Variants in STK4 observed in about 807,000 individuals in gnomAD.
STK4 encodes the protein serine/threonine kinase 4.
A neutral mutation model predicts 64.9 loss-of-function variants in STK4; 30 were observed. That is an observed-to-expected ratio of 0.46 (90% CI 0.35 to 0.63). The LOEUF (loss-of-function observed/expected upper bound fraction) is 0.63, where lower values mean the gene tolerates loss of function less well. Among genes scored for constraint, STK4 ranks in the 20% least tolerant of loss-of-function variants. STK4 has a pLI of 0.01. For synonymous variants in STK4, 177 were observed against 199.0 expected (o/e 0.89, Z 0.93); for missense variants, 466 against 598.5 (o/e 0.78, Z 2.31).
intron 4 of STK4, among the ~76,000 whole-genome samples, chr20:44,984,435 C>G (rs1448380674): frequency 1.3e-5 from 2 of 152,034 alleles, no homozygotes; most frequent in African/African-American, 4.8e-5. Context: ...ATTTCCTGAC[C>G]TCGCAATCTG....
At chr20:44,988,555 ATATATATATATATG>A (rs1395028608) in intron 5 of STK4, among the ~76,000 whole-genome samples, 2 of 113,246 alleles carry the variant, frequency 1.8e-5, no homozygotes, top group African/African-American at 5.7e-5. Context: ...ATATATATAT[ATATATATATATATG>A]TATCCATTCC....
chr20:45,071,266 A>G (rs1170131760), intron 10 of STK4, among the ~76,000 whole-genome samples: 1 of 152,188 alleles, frequency 6.6e-6, no homozygotes, highest in Non-Finnish European at 1.5e-5. Flanking sequence ...TGGATTGAGA[A>G]TTTGCTGCTT....
intron 5 of STK4, among the ~76,000 whole-genome samples, chr20:44,994,675 T>G (rs1278139458): frequency 6.6e-6 from 1 of 152,136 alleles, no homozygotes; most frequent in Non-Finnish European, 1.5e-5. Context: ...AGAAATAGAT[T>G]TGGATCAAAG....
chr20:45,079,326 C>T lies in STK4; in HGVS notation c.*4150C>T, dbSNP rs1430608820. On this transcript the variant is annotated 3_prime_UTR_variant, in exon 11 of 11. Coordinates refer to ENST00000372806, the MANE Select transcript of STK4 (RefSeq NM_006282.5). ...CATTTTACAGATGTGAAAATTGAGG[C>T]TCAGAGAAGTAAAGTCTATTGCTCA... 1.3e-5 allele frequency: 2 copies of T among 152,174 alleles called. No individual in the cohort carries two copies. Among genetic ancestry groups the T allele is most frequent in the Non-Finnish European group, 2.9e-5 (2 of 68,036 alleles). The allele number at this position is 152,174 out of a possible 1,614,324, so 9.4% of individuals were successfully genotyped here.
At chr20:45,039,570 A>C (rs1348463592) in intron 10 of STK4, among the ~76,000 whole-genome samples, 2 of 152,100 alleles carry the variant, frequency 1.3e-5, no homozygotes, top group Non-Finnish European at 2.9e-5. Flanking sequence ...GTCATTTTTC[A>C]TGTAAAATGG....
intron 2 of STK4, among the ~76,000 whole-genome samples, chr20:44,976,689 T>C (rs1319276152): frequency 6.6e-6 from 1 of 152,198 alleles, no homozygotes; most frequent in African/African-American, 2.4e-5. Flanking sequence ...TTATCAAGAA[T>C]GCCTTTGGAT....
chr20:45,043,294 A>G (rs541189432), intron 10 of STK4, among the ~76,000 whole-genome samples: 1 of 152,220 alleles, frequency 6.6e-6, no homozygotes, highest in African/African-American at 2.4e-5. Context: ...ACTATTCACA[A>G]TAGCAAAGAT....
chr20:45,071,799 T>A (rs1400079122), intron 10 of STK4, among the ~76,000 whole-genome samples: 1 of 152,186 alleles, frequency 6.6e-6, no homozygotes, highest in East Asian at 1.9e-4. Context: ...GACAAGGTCT[T>A]GCTCTGTTGC....
chr20:45,007,179 A>G (rs984338654), intron 9 of STK4, among the ~76,000 whole-genome samples: 3 of 152,208 alleles, frequency 2.0e-5, no homozygotes, highest in African/African-American at 7.2e-5. Context: ...TTCTCTATAA[A>G]GGAACAGGTT....
chr20:45,073,596 T>C (rs1980268757), intron 10 of STK4, among the ~76,000 whole-genome samples: 1 of 152,198 alleles, frequency 6.6e-6, no homozygotes, highest in South Asian at 2.1e-4. Flanking sequence ...TGTAAGACTT[T>C]GAGTTCTTGA....
At chr20:44,977,894 C>G (rs1406020001) in intron 2 of STK4, among the ~76,000 whole-genome samples, 1 of 152,112 alleles carries the variant, frequency 6.6e-6, no homozygotes, top group African/African-American at 2.4e-5. Flanking sequence ...TCTTGTGGTA[C>G]TAGAGTGAAT....
intron 3 of STK4, among the ~76,000 whole-genome samples, chr20:44,981,365 G>A (rs566139397): frequency 4.0e-5 from 6 of 151,658 alleles, no homozygotes; most frequent in Non-Finnish European, 8.8e-5. Context: ...ATCTTGTCCA[G>A]GCTGGTCACG....
At chr20:44,985,225 A>G (rs2067511585) in intron 4 of STK4, among the ~76,000 whole-genome samples, 1 of 152,196 alleles carries the variant, frequency 6.6e-6, no homozygotes, top group Admixed American at 6.5e-5. Flanking sequence ...CCTCAGCTTC[A>G]TTATGTATAA....
chr20:44,987,967 G>GT (rs376197292), intron 5 of STK4, among the ~76,000 whole-genome samples: 2,671 of 147,854 alleles, frequency 0.018, 83 homozygotes, highest in African/African-American at 0.062. Context: ...GTTATGTACG[G>GT]TTTTTTTTTT....
chr20:44,972,128 T>C lies in STK4; in HGVS notation c.86T>C (p.Val29Ala). The C allele has an allele frequency of 6.2e-7, 1 of 1,613,870 alleles. No homozygotes were observed. The highest frequency in any genetic ancestry group is 8.5e-7 in the Non-Finnish European group (1 of 1,179,930). The change falls in exon 2 of 11, where the codon GTA becomes GCA. Residue 29 changes from valine (V) to alanine (A), a missense_variant. Physicochemically the swap from Val to Ala is moderately conservative, Grantham distance 64. Transcript: ENST00000372806. The part of the protein sequence containing the change: ...EDSLTKQPEE[V>A]FDVLEKLGEG... ...AGTTTAACCAAACAACCAGAAGAAG[T>C]ATTTGATGTCTTAGAGAAACTTGGA...
chr20:45,032,002 A>T (rs981881992), intron 10 of STK4, among the ~76,000 whole-genome samples: 1 of 152,086 alleles, frequency 6.6e-6, no homozygotes, highest in Admixed American at 6.6e-5. Context: ...GGTATACTTT[A>T]TCTAGAAGAT....
chr20:44,972,232 T>C, intron 2 of STK4, 74 bp downstream of exon 2: 1 of 1,352,694 alleles, frequency 7.4e-7, no homozygotes, highest in African/African-American at 1.5e-5. Flanking sequence ...CAGAAGGATA[T>C]GAACCTTTCA....
chr20:45,013,727 G>T (rs2068093276), intron 9 of STK4, among the ~76,000 whole-genome samples: 1 of 152,054 alleles, frequency 6.6e-6, no homozygotes, highest in African/African-American at 2.4e-5. Context: ...GTTTGGTGCA[G>T]GAATCTGTAA....
intron 10 of STK4, among the ~76,000 whole-genome samples, chr20:45,035,472 A>G (rs2068513301): frequency 6.6e-6 from 1 of 152,176 alleles, no homozygotes; most frequent in Non-Finnish European, 1.5e-5. Context: ...ATTAGCTTTC[A>G]GTATCCTTAG....
Sources: gnomAD v4.1 joint callset for allele counts (sites outside exome capture counted in the v4.1 genomes callset) on GRCh38, gnomAD v4.1.1 for gene constraint, MANE v1.5 for transcripts, NCBI Gene and HGNC (gene_info 2026-07-23, HGNC 2026-07-21) for gene names.